The following MGAT4C variants were observed in gnomAD, a reference collection of about 807,000 sequenced individuals.
MGAT4C encodes the protein MGAT4 family member C.
In MGAT4C, 19 loss-of-function variants were observed where a neutral mutation model predicts 40.1. That is an observed-to-expected ratio of 0.47 (90% CI 0.33 to 0.70). The LOEUF (loss-of-function observed/expected upper bound fraction) is 0.70, where lower values mean the gene tolerates loss of function less well. MGAT4C is among the 30% of genes least tolerant of loss of function. The pLI is 0.02. For synonymous variants in MGAT4C, 181 were observed against 187.1 expected (o/e 0.97, Z 0.27); for missense variants, 491 against 563.2 (o/e 0.87, Z 1.30).
intron 1 of MGAT4C, among the ~76,000 whole-genome samples, chr12:86,167,399 T>A (rs1284943646): frequency 6.6e-6 from 1 of 152,206 alleles, no homozygotes; most frequent in Non-Finnish European, 1.5e-5. Context: ...GGCAACACAA[T>A]GAAACCTCAT....
At chr12:86,494,447 A>C (rs1958200637) in intron 2 of MGAT4C, among the ~76,000 whole-genome samples, 1 of 151,880 alleles carries the variant, frequency 6.6e-6, no homozygotes, top group Admixed American at 6.6e-5. Flanking sequence ...CATATAGACA[A>C]CTCCTATTTT....
chr12:86,614,648 A>AATAT (rs369216131), intron 2 of MGAT4C, among the ~76,000 whole-genome samples: 2 of 150,780 alleles, frequency 1.3e-5, no homozygotes, highest in African/African-American at 4.9e-5. Flanking sequence ...TATTTGCAAA[A>AATAT]ATATATATAT....
intron 2 of MGAT4C, among the ~76,000 whole-genome samples, chr12:86,498,828 C>T (rs547641069): frequency 5.3e-5 from 8 of 151,804 alleles, no homozygotes; most frequent in South Asian, 4.1e-4. Flanking sequence ...TTGTGCTTAG[C>T]GCAAAACTGT....
intron 2 of MGAT4C, among the ~76,000 whole-genome samples, chr12:86,554,726 C>A (rs1959526999): frequency 6.6e-6 from 1 of 152,182 alleles, no homozygotes. Flanking sequence ...CCAACTGAAA[C>A]TCACCATTTC....
chr12:85,961,472 G>GTA lies in MGAT4C; in HGVS notation c.*17815_*17816dup, dbSNP rs1179895116. The stretch of plus-strand genomic sequence containing the variant: ...TTTAGGTTATAATCAAGATAATTAT[G>GTA]TATATATATAAAATTATATATGGTA... On this transcript the variant is annotated 3_prime_UTR_variant, in exon 5 of 5. Transcript: ENST00000611864. 2.0e-5 allele frequency: 3 copies of GTA among 151,544 alleles called. No individual in the cohort carries two copies. Among genetic ancestry groups the GTA allele is most frequent in the Non-Finnish European group, 4.4e-5 (3 of 67,716 alleles). 9.4% of individuals were successfully genotyped at this position (151,544 alleles called of 1,614,324 possible). A position where few individuals can be genotyped will look rare whatever the true frequency, so the allele number is the denominator to read the frequency against.
At chr12:86,554,620 C>A (rs1592981121) in intron 2 of MGAT4C, among the ~76,000 whole-genome samples, 1 of 152,186 alleles carries the variant, frequency 6.6e-6, no homozygotes, top group African/African-American at 2.4e-5. Flanking sequence ...CTCATCAATA[C>A]ATGTAGTTTC....
chr12:86,095,013 C>T (rs887894832), intron 1 of MGAT4C, among the ~76,000 whole-genome samples: 1 of 152,060 alleles, frequency 6.6e-6, no homozygotes, highest in African/African-American at 2.4e-5. Flanking sequence ...ATCCATTCTC[C>T]CCTTCTTCCT....
At chr12:86,493,947 TTC>T (rs1247937647) in intron 2 of MGAT4C, among the ~76,000 whole-genome samples, 1 of 152,096 alleles carries the variant, frequency 6.6e-6, no homozygotes, top group East Asian at 1.9e-4. Flanking sequence ...TGCGATTTTT[TTC>T]TCTCTCTTTT....
At chr12:86,412,170 G>A (rs1484498727) in intron 3 of MGAT4C, among the ~76,000 whole-genome samples, 2 of 152,228 alleles carry the variant, frequency 1.3e-5, no homozygotes, top group Non-Finnish European at 2.9e-5. Flanking sequence ...AGTGCAGAGG[G>A]AAAACGTGGG....
rs1438555239 is a variant in MGAT4C at position 85,962,274 on chromosome 12, C to T, written c.*17015G>A. Reference sequence around the variant, plus strand: ...TTCTGGTCTAAATATCCCAACATATCTTTCGTTTTGAGATCTGCAGAACAA... The same window carrying T: ...TTCTGGTCTAAATATCCCAACATATTTTTCGTTTTGAGATCTGCAGAACAA... On this transcript the variant is annotated 3_prime_UTR_variant, in exon 5 of 5. Coordinates refer to ENST00000611864, the MANE Select transcript of MGAT4C (RefSeq NM_001351288.2). 2 of 151,490 alleles carry T rather than the reference C, an allele frequency of 1.3e-5. No individual in the cohort carries two copies. Among genetic ancestry groups the T allele is most frequent in the Non-Finnish European group, 3.0e-5 (2 of 67,662 alleles). 9.4% of individuals were successfully genotyped at this position (151,490 alleles called of 1,614,324 possible).
intron 2 of MGAT4C, among the ~76,000 whole-genome samples, chr12:86,621,795 A>C (rs955546206): frequency 1.3e-5 from 2 of 152,200 alleles, no homozygotes; most frequent in African/African-American, 4.8e-5. Context: ...AGTTGACTTA[A>C]CAATTTTTCA....
intron 1 of MGAT4C, among the ~76,000 whole-genome samples, chr12:86,808,466 T>C (rs1431267362): frequency 6.6e-6 from 1 of 152,092 alleles, no homozygotes; most frequent in Non-Finnish European, 1.5e-5. Flanking sequence ...GATGCAAGGC[T>C]GGTTCAATAT....
chr12:86,103,642 T>A (rs560153831), intron 1 of MGAT4C, among the ~76,000 whole-genome samples: 1 of 152,266 alleles, frequency 6.6e-6, no homozygotes, highest in East Asian at 1.9e-4. Context: ...TTTGTTTTTT[T>A]CTTTTGTCTG....
At chr12:86,473,570 A>C (rs1957786022) in intron 2 of MGAT4C, among the ~76,000 whole-genome samples, 1 of 152,252 alleles carries the variant, frequency 6.6e-6, no homozygotes. Flanking sequence ...AAGAAGACCA[A>C]GAATATGCCA....
chr12:86,138,506 G>GATATATCA (rs1161438986), intron 1 of MGAT4C, among the ~76,000 whole-genome samples: 4 of 137,912 alleles, frequency 2.9e-5, no homozygotes, highest in Non-Finnish European at 6.2e-5. Flanking sequence ...TATATATCAT[G>GATATATCA]TATATATTTC....
At chr12:86,226,148 T>TAAAG (rs1213157190) in intron 1 of MGAT4C, among the ~76,000 whole-genome samples, 1 of 151,810 alleles carries the variant, frequency 6.6e-6, no homozygotes, top group Non-Finnish European at 1.5e-5. Context: ...GTTGCTGATA[T>TAAAG]AAAGAAAAGA....
At chr12:86,672,150 G>T (rs1270663643) in intron 2 of MGAT4C, among the ~76,000 whole-genome samples, 1 of 151,866 alleles carries the variant, frequency 6.6e-6, no homozygotes, top group African/African-American at 2.4e-5. Flanking sequence ...AACTATACAA[G>T]TATATGGAAA....
intron 3 of MGAT4C, among the ~76,000 whole-genome samples, chr12:86,347,754 C>G (rs1440145727): frequency 1.3e-5 from 2 of 152,162 alleles, no homozygotes; most frequent in African/African-American, 4.8e-5. Context: ...AAAAATCGGA[C>G]CATAAGCATA....
chr12:86,491,033 G>A (rs1453610373), intron 2 of MGAT4C, among the ~76,000 whole-genome samples: 2 of 152,060 alleles, frequency 1.3e-5, no homozygotes, highest in Non-Finnish European at 2.9e-5. Context: ...GGATACCCAG[G>A]AATTGAACTC....
Sources: allele counts gnomAD v4.1 joint callset (sites outside exome capture counted in the v4.1 genomes callset), GRCh38; gene constraint gnomAD v4.1.1; transcripts MANE v1.5; gene names NCBI Gene and HGNC (gene_info 2026-07-23, HGNC 2026-07-21).